SSU72: variants seen among roughly 807,000 people sequenced by gnomAD.
The protein encoded by SSU72 is RNA polymerase II subunit A C-terminal domain phosphatase SSU72.
In SSU72, 12 loss-of-function variants were observed where a neutral mutation model predicts 22.7. That is an observed-to-expected ratio of 0.53 (90% CI 0.34 to 0.86). The LOEUF is 0.86. Among genes scored for constraint, SSU72 ranks in the 40% least tolerant of loss-of-function variants. The pLI, the probability that SSU72 is intolerant of heterozygous loss-of-function variation, is 0.02. For synonymous variants in SSU72, 116 were observed against 98.3 expected, an observed-to-expected ratio of 1.18 and a Z score of -1.06; for missense variants, 151 against 249.8, an observed-to-expected ratio of 0.60 and a Z score of 2.67.
intron 2 of SSU72, among the ~76,000 whole-genome samples, chr1:1,549,569 T>G (rs1196369862): frequency 6.6e-6 from 1 of 151,098 alleles, no homozygotes; most frequent in Admixed American, 6.6e-5. Flanking sequence ...CCAGGCATGG[T>G]GGCTCACACC....
At position 1,543,875 on chromosome 1, in the gene SSU72, G is replaced by A; in HGVS notation, c.477C>T (p.Cys159=). 6.2e-7 allele frequency: 1 copy of A among 1,612,792 alleles called. No homozygotes were observed. Among genetic ancestry groups the A allele is most frequent in the East Asian group, 2.2e-5 (1 of 44,864 alleles). ...TLGAFLICEL[C]QCIQHTEDME... ...CGCCCAGCCGGGTACTTACACACTGGCAGAGCTCACAGATGAGAAACGCCC... is the reference window on the plus strand; with the variant it reads ...CGCCCAGCCGGGTACTTACACACTGACAGAGCTCACAGATGAGAAACGCCC... The change falls in exon 4 of 5, where the codon TGC becomes TGT. Residue 159 remains cysteine, a synonymous_variant. Coordinates refer to ENST00000291386, the MANE Select transcript of SSU72 (RefSeq NM_014188.3).
At chr1:1,574,429 G>A (rs1374518695) in intron 1 of SSU72, 49 bp downstream of exon 1, 3 of 1,544,584 alleles carry the variant, frequency 1.9e-6, no homozygotes, top group East Asian at 2.6e-5. Flanking sequence ...GAGGAGGGAG[G>A]GCCGGTCGCC....
rs1370669402 is a variant in SSU72, at chr1:1,554,261, C to T, written c.225-9259G>A. Among the ~76,000 whole-genome samples, 6 of 145,756 alleles carry T rather than the reference C, an allele frequency of 4.1e-5. 1 individual carries two copies. Among genetic ancestry groups the T allele is most frequent in the Admixed American group, 1.4e-4 (2 of 14,416 alleles). On this transcript the variant is annotated intron_variant, in intron 2 of 4. Coordinates refer to ENST00000291386, the MANE Select transcript of SSU72 (RefSeq NM_014188.3). This position sits in a 1 kb window ranked among gnomAD's most constrained non-coding sequence, Gnocchi z 4.1. ...GAGCATGAGGCGGACCCGGACCACTCGGGGGCCCCCACGAAGCTGAGCACG... is the reference window on the plus strand; with the variant it reads ...GAGCATGAGGCGGACCCGGACCACTTGGGGGCCCCCACGAAGCTGAGCACG...
intron 1 of SSU72, among the ~76,000 whole-genome samples, chr1:1,569,066 C>T (rs1014956855): frequency 2.0e-5 from 3 of 151,886 alleles, no homozygotes; most frequent in African/African-American, 7.3e-5. Flanking sequence ...CCCAGCTACG[C>T]AGGAGGCTGA....
At chr1:1,544,786 A>G (rs1642371614) in intron 3 of SSU72, 77 bp downstream of exon 3, 1 of 1,601,980 alleles carries the variant, frequency 6.2e-7, no homozygotes, top group Non-Finnish European at 8.5e-7. Context: ...TGTACTGGTC[A>G]TGGTGGGGCC....
At chr1:1,564,553 CG>C (rs1178142338) in intron 2 of SSU72, 1 of 1,568,456 alleles carries the variant, frequency 6.4e-7, no homozygotes. Context: ...AACCCCACAC[CG>C]TGTCTGTGCG....
rs567894388 is a variant in SSU72, at chr1:1,544,442, A to AC, written c.364+420dup. Among the ~76,000 whole-genome samples, 8 of 151,900 alleles carry AC rather than the reference A, an allele frequency of 5.3e-5. No individual in the cohort carries two copies. The South Asian group carries it at 1.7e-3, about 32-fold the overall frequency. ...AGACCAGCCTGGCCAACATGGTGAA[A>AC]CCCCGTCTCTACTAAAAATACAAAA... On this transcript the variant is annotated intron_variant, in intron 3 of 4. Coordinates refer to ENST00000291386, the MANE Select transcript of SSU72 (RefSeq NM_014188.3).
At chr1:1,544,065 C>T (rs1642360170) in intron 3 of SSU72, 78 bp from the exon 4 acceptor site, 1 of 1,127,404 alleles carries the variant, frequency 8.9e-7, no homozygotes, top group East Asian at 2.4e-5. Context: ...GAGTCCCCAG[C>T]TCTGCCGGCT....
At chr1:1,564,570 C>G in intron 2 of SSU72, 1 of 1,591,490 alleles carries the variant, frequency 6.3e-7, no homozygotes, top group Non-Finnish European at 8.5e-7. Flanking sequence ...GTGCGCCTCA[C>G]CACGCCTACT....
In SSU72 at chr1:1,564,772, C is replaced by T. The variant is rs1236085032; in HGVS notation, c.224+1G>A. On this transcript the variant is annotated splice_donor_variant, in intron 2 of 4. Transcript: ENST00000291386. LOFTEE classifies it high-confidence loss of function. ...TTTTAAAGGGCAACCCGCTGGGATA[C>T]AGTTCTTTGTCTTTCCTAAGAAGAT... The T allele has an allele frequency of 6.2e-7, 1 of 1,614,168 alleles. No homozygotes were observed. Among genetic ancestry groups the T allele is most frequent in the Admixed American group, 1.7e-5 (1 of 60,016 alleles).
chr1:1,551,028 A>T (rs575000639), intron 2 of SSU72, among the ~76,000 whole-genome samples: 1 of 152,294 alleles, frequency 6.6e-6, no homozygotes, highest in East Asian at 1.9e-4. Flanking sequence ...CGGGCCTTCA[A>T]CAACCTCTAC....
chr1:1,547,173 C>G (rs1388351272), intron 2 of SSU72, among the ~76,000 whole-genome samples: 1 of 152,034 alleles, frequency 6.6e-6, no homozygotes, highest in Non-Finnish European at 1.5e-5. Flanking sequence ...ATGGTGGGCA[C>G]AGGGATCACC....
chr1:1,573,429 CA>C (rs56930035), intron 1 of SSU72, among the ~76,000 whole-genome samples: 135 of 107,484 alleles, frequency 1.3e-3, no homozygotes, highest in Non-Finnish European at 1.8e-3. Context: ...GACTCTGTCT[CA>C]AAAAAAAAAA....
intron 1 of SSU72, among the ~76,000 whole-genome samples, chr1:1,571,067 A>G (rs1642724306): frequency 6.6e-6 from 1 of 152,100 alleles, no homozygotes; most frequent in Admixed American, 6.6e-5. Context: ...AACACGGTGA[A>G]ACCCTGACTC....
chr1:1,572,887 G>C (rs1223920185), intron 1 of SSU72, among the ~76,000 whole-genome samples: 4 of 144,644 alleles, frequency 2.8e-5, no homozygotes, highest in Admixed American at 2.7e-4. Flanking sequence ...TGGGGGGGGG[G>C]GGGTGAGCCT....
At chr1:1,552,334 T>C (rs1642464424) in intron 2 of SSU72, among the ~76,000 whole-genome samples, 1 of 152,224 alleles carries the variant, frequency 6.6e-6, no homozygotes, top group Non-Finnish European at 1.5e-5. Context: ...GCACAGTTTC[T>C]GTGATCGTCC....
chr1:1,547,345 C>T (rs1176788397), intron 2 of SSU72, among the ~76,000 whole-genome samples: 1 of 152,230 alleles, frequency 6.6e-6, no homozygotes, highest in African/African-American at 2.4e-5. Flanking sequence ...ACGTCATTCT[C>T]AACTATTTAT....
intron 1 of SSU72, among the ~76,000 whole-genome samples, chr1:1,570,288 A>C (rs1348859477): frequency 2.0e-5 from 2 of 99,996 alleles, no homozygotes; most frequent in Admixed American, 1.0e-4. Flanking sequence ...GGCTTGAAAA[A>C]AAAAACAAAA....
chr1:1,573,604 C>G (rs910069650), intron 1 of SSU72, among the ~76,000 whole-genome samples: 1 of 151,928 alleles, frequency 6.6e-6, no homozygotes, highest in Non-Finnish European at 1.5e-5. Context: ...CGTGAGCCAC[C>G]GTGCCTGGCC....
Sources: allele counts gnomAD v4.1 joint callset (sites outside exome capture counted in the v4.1 genomes callset), GRCh38; gene constraint gnomAD v4.1.1; non-coding constraint Gnocchi (gnomAD v3.1); transcripts MANE v1.5; gene names NCBI Gene and HGNC (gene_info 2026-07-23, HGNC 2026-07-21).